Variants in DPH6 observed in about 807,000 individuals in gnomAD.
The protein encoded by DPH6 is diphthamine biosynthesis 6.
In DPH6, 33 loss-of-function variants were observed where a neutral mutation model predicts 38.2. The observed-to-expected ratio is 0.86, with a 90% CI of 0.65 to 1.15. DPH6 has a LOEUF of 1.15. Ranked by LOEUF, DPH6 falls within the 50% of genes most tolerant of loss-of-function variation. DPH6 has a pLI of 0.00. For synonymous variants in DPH6, 108 were observed against 103.0 expected (o/e 1.05, Z -0.30); for missense variants, 325 against 320.0 (o/e 1.02, Z -0.12).
chr15:35,470,711 T>A (rs2054188112), intron 3 of DPH6, among the ~76,000 whole-genome samples: 1 of 152,142 alleles, frequency 6.6e-6, no homozygotes, highest in Admixed American at 6.6e-5. Flanking sequence ...AGAAACATTA[T>A]CCACTTCAAG....
chr15:35,268,729 T>C (rs1161347915), intron 3 of DPH6, among the ~76,000 whole-genome samples: 2 of 148,884 alleles, frequency 1.3e-5, no homozygotes, highest in Admixed American at 6.7e-5. Flanking sequence ...GGCCAATTAA[T>C]TGAAGGTATA....
the DPH6 span, among the ~76,000 whole-genome samples, chr15:35,193,405 G>T: frequency 6.6e-6 from 1 of 151,786 alleles, no homozygotes; most frequent in African/African-American, 2.4e-5. Context: ...ATAATATGTA[G>T]ATAATATTTA....
At chr15:35,320,918 C>T (rs929560663) in intron 3 of DPH6, among the ~76,000 whole-genome samples, 1 of 152,172 alleles carries the variant, frequency 6.6e-6, no homozygotes. Context: ...TCTGAAGGGT[C>T]TCCCTAAATT....
chr15:35,394,987 G>A (rs2053112695), intron 6 of DPH6, among the ~76,000 whole-genome samples: 1 of 132,934 alleles, frequency 7.5e-6, no homozygotes, highest in African/African-American at 3.2e-5. Flanking sequence ...GCCTGAACAT[G>A]TCAATTGTGC....
intron 3 of DPH6, among the ~76,000 whole-genome samples, chr15:35,495,113 G>C (rs2054532586): frequency 6.6e-6 from 1 of 152,122 alleles, no homozygotes; most frequent in South Asian, 2.1e-4. Flanking sequence ...AGGTTCTACT[G>C]TGTCCCCTCA....
chr15:35,417,991 G>C (rs969243946), intron 5 of DPH6, among the ~76,000 whole-genome samples: 15 of 151,942 alleles, frequency 9.9e-5, no homozygotes, highest in Non-Finnish European at 5.9e-5. Flanking sequence ...ACAGCTCATG[G>C]GCTTTTTCAA....
At chr15:35,170,728 G>A in the DPH6 span, among the ~76,000 whole-genome samples, 1 of 152,152 alleles carries the variant, frequency 6.6e-6, no homozygotes, top group Non-Finnish European at 1.5e-5. Context: ...AGAGTAGTAA[G>A]AGGTTCACAC....
chr15:35,365,795 A>T lies in DPH6; in HGVS notation n.207+7726T>A, dbSNP rs926141991. 1.4e-5 allele frequency: 14 copies of T among 985,080 alleles called. No individual in the cohort carries two copies. The African/African-American group carries it at 2.4e-4, about 17-fold the overall frequency. 61.0% of individuals were successfully genotyped at this position (985,080 alleles called of 1,614,324 possible). On this transcript the variant is annotated intron_variant and non_coding_transcript_variant, in intron 3 of 3. Coordinates refer to the DPH6 transcript ENST00000558973. ...AAGTAGTCCTTTAAATGTGGGTGAA[A>T]CTGATCCTTGATTTATTAATCTGCT...
the DPH6 span, among the ~76,000 whole-genome samples, chr15:35,145,315 G>T: frequency 2.0e-5 from 3 of 152,156 alleles, no homozygotes; most frequent in East Asian, 5.8e-4. Flanking sequence ...TTTCATGTTG[G>T]CACTTAACAG....
intron 3 of DPH6, among the ~76,000 whole-genome samples, chr15:35,511,244 G>T (rs1377110650): frequency 6.6e-6 from 1 of 152,008 alleles, no homozygotes; most frequent in Non-Finnish European, 1.5e-5. Context: ...AACAGTGAAG[G>T]GACAGAACAA....
intron 3 of DPH6, among the ~76,000 whole-genome samples, chr15:35,338,733 G>A (rs535743782): frequency 9.9e-5 from 15 of 152,214 alleles, no homozygotes; most frequent in African/African-American, 3.6e-4. Context: ...ACATGCACAC[G>A]TATGTTTATT....
At chr15:35,513,670 G>A (rs2054806494) in intron 3 of DPH6, among the ~76,000 whole-genome samples, 1 of 151,830 alleles carries the variant, frequency 6.6e-6, no homozygotes, top group Non-Finnish European at 1.5e-5. Flanking sequence ...AAAGAAACTG[G>A]TTACTTTATC....
intron 3 of DPH6, among the ~76,000 whole-genome samples, chr15:35,264,077 T>C (rs1455729037): frequency 1.4e-5 from 2 of 146,328 alleles, no homozygotes; most frequent in Non-Finnish European, 3.0e-5. Flanking sequence ...GAAAATTCAC[T>C]CATATGGATT....
intron 3 of DPH6, among the ~76,000 whole-genome samples, chr15:35,279,400 GA>G (rs2051882578): frequency 6.6e-6 from 1 of 152,110 alleles, no homozygotes; most frequent in Non-Finnish European, 1.5e-5. Context: ...ACCAGGGGCA[GA>G]AGGATATGGT....
intron 3 of DPH6, among the ~76,000 whole-genome samples, chr15:35,486,191 C>T (rs998530425): frequency 7.2e-5 from 11 of 151,778 alleles, no homozygotes; most frequent in Non-Finnish European, 1.5e-4. Flanking sequence ...ATGCCAGATG[C>T]TTATAAAACC....
Position 35,281,111 on chromosome 15 carries a change from C to G in DPH6, n.201-60529G>C, listed in dbSNP as rs914923464. On this transcript the variant is annotated intron_variant and non_coding_transcript_variant, in intron 3 of 3. Coordinates refer to the DPH6 transcript ENST00000560386. Reference sequence around the variant, plus strand: ...TAATGCTATCTCTCCCCCCTCCCCCCACAAATATGATATTAAAATAGGCAA... The same window carrying G: ...TAATGCTATCTCTCCCCCCTCCCCCGACAAATATGATATTAAAATAGGCAA... Among the ~76,000 whole-genome samples, 3 of 152,064 alleles carry G rather than the reference C, an allele frequency of 2.0e-5. 1 individual carries two copies. In the Middle Eastern group the frequency reaches 0.01, roughly 517 times the overall value.
At chr15:35,197,968 T>C in the DPH6 span, among the ~76,000 whole-genome samples, 8 of 152,064 alleles carry the variant, frequency 5.3e-5, no homozygotes, top group African/African-American at 1.9e-4. Flanking sequence ...CATAGACGAC[T>C]AGAATGCTCA....
At chr15:35,282,973 G>T in intron 3 of DPH6, 1 of 286,986 alleles carries the variant, frequency 3.5e-6, no homozygotes, top group South Asian at 4.4e-5. Context: ...TGCACATCTT[G>T]AGCTGATCTC....
chr15:35,252,949 T>C (rs1171388822), intron 3 of DPH6, among the ~76,000 whole-genome samples: 1 of 152,228 alleles, frequency 6.6e-6, no homozygotes, highest in East Asian at 1.9e-4. Flanking sequence ...AATGAGCTTC[T>C]ATGTGTTTTT....
Sources: gnomAD v4.1 joint callset for allele counts (sites outside exome capture counted in the v4.1 genomes callset) on GRCh38, gnomAD v4.1.1 for gene constraint, MANE v1.5 for transcripts, NCBI Gene and HGNC (gene_info 2026-07-23, HGNC 2026-07-21) for gene names.